SND1: variants seen among roughly 807,000 people sequenced by gnomAD.
SND1 encodes the protein staphylococcal nuclease and tudor domain containing 1.
A neutral mutation model predicts 121.7 loss-of-function variants in SND1; 38 were observed. That is an observed-to-expected ratio of 0.31 (90% CI 0.24 to 0.41). The LOEUF is 0.41. Ranked by LOEUF, SND1 falls within the 10% of genes least tolerant of loss-of-function variation. The pLI, the probability that SND1 is intolerant of heterozygous loss-of-function variation, is 1.00. For missense variants in SND1, 868 were observed against 1,184.6 expected (o/e 0.73, Z 3.92); for synonymous variants, 401 against 447.4 (o/e 0.90, Z 1.31).
intron 15 of SND1, among the ~76,000 whole-genome samples, chr7:127,953,666 A>G (rs1019861572): frequency 6.6e-6 from 1 of 152,218 alleles, no homozygotes; most frequent in African/African-American, 2.4e-5. Flanking sequence ...GTCAAGTAAA[A>G]AGTGAAAAGT....
chr7:127,699,480 C>T (rs1457595265), intron 4 of SND1, among the ~76,000 whole-genome samples: 1 of 152,180 alleles, frequency 6.6e-6, no homozygotes, highest in African/African-American at 2.4e-5. Flanking sequence ...CTGACAAGGC[C>T]TCACTTGTTC....
intron 9 of SND1, among the ~76,000 whole-genome samples, chr7:127,708,950 A>G (rs530057546): frequency 6.6e-6 from 1 of 152,352 alleles, no homozygotes; most frequent in Admixed American, 6.5e-5. Context: ...CTGTCTTTTA[A>G]GCAACCTCTG....
At chr7:128,038,788 C>A (rs1052901535) in intron 16 of SND1, among the ~76,000 whole-genome samples, 1 of 152,014 alleles carries the variant, frequency 6.6e-6, no homozygotes, top group African/African-American at 2.4e-5. Flanking sequence ...GAGTTAATAT[C>A]TTACATAACC....
chr7:128,024,701 C>T (rs558532482), intron 16 of SND1, among the ~76,000 whole-genome samples: 1 of 152,332 alleles, frequency 6.6e-6, no homozygotes, highest in South Asian at 2.1e-4. Context: ...AGAAACTAGC[C>T]TATCTACCTT....
chr7:127,942,369 T>A lies in SND1; in HGVS notation c.1669+13040T>A, dbSNP rs546282129. Among the ~76,000 whole-genome samples, 6 of 152,266 alleles carry A rather than the reference T, an allele frequency of 3.9e-5. No homozygotes were observed. In the South Asian group the frequency reaches 1.2e-3, roughly 32 times the overall value. On this transcript the variant is annotated intron_variant, in intron 15 of 23. Transcript: ENST00000354725. ...AAGTGAGATTTGCCAGGAGCAAAGG[T>A]CTCGTGGAGCAGCCGTTGCTCTTGC... is the stretch of plus-strand genomic sequence containing the variant.
At chr7:127,813,412 G>T (rs949474188) in intron 11 of SND1, among the ~76,000 whole-genome samples, 39 of 143,380 alleles carry the variant, frequency 2.7e-4, no homozygotes, top group African/African-American at 9.8e-4. Flanking sequence ...CCACCTAAAT[G>T]GTCTTTTCGA....
chr7:127,659,287 C>T (rs1795268740), intron 1 of SND1, among the ~76,000 whole-genome samples: 1 of 152,078 alleles, frequency 6.6e-6, no homozygotes. Context: ...TCATTAGACT[C>T]AATATAATAC....
At chr7:127,902,977 G>T (rs371553543) in intron 13 of SND1, among the ~76,000 whole-genome samples, 2 of 151,976 alleles carry the variant, frequency 1.3e-5, no homozygotes, top group Non-Finnish European at 2.9e-5. Context: ...CACCTCCCGG[G>T]TTCAAGGAAT....
intron 15 of SND1, among the ~76,000 whole-genome samples, chr7:127,972,911 C>G (rs1038207126): frequency 2.0e-5 from 3 of 152,204 alleles, no homozygotes; most frequent in Admixed American, 1.3e-4. Flanking sequence ...TGAGATTCAT[C>G]CATGTTACTG....
chr7:127,972,068 C>G (rs1217930384), intron 15 of SND1, among the ~76,000 whole-genome samples: 3 of 152,104 alleles, frequency 2.0e-5, no homozygotes, highest in African/African-American at 7.2e-5. Context: ...AGCCACCACG[C>G]CTGGCCAGCT....
At chr7:127,717,542 G>A (rs1051961065) in intron 9 of SND1, among the ~76,000 whole-genome samples, 5 of 152,154 alleles carry the variant, frequency 3.3e-5, no homozygotes, top group African/African-American at 9.7e-5. Flanking sequence ...GTTTGTTTTT[G>A]TTGAGGACAA....
chr7:128,063,251 C>T (rs891879081), intron 16 of SND1, among the ~76,000 whole-genome samples: 1 of 152,198 alleles, frequency 6.6e-6, no homozygotes, highest in Non-Finnish European at 1.5e-5. Flanking sequence ...ACGGCTGCTG[C>T]CTGCACTCCT....
At chr7:127,818,475 T>C (rs975104078) in intron 11 of SND1, among the ~76,000 whole-genome samples, 2 of 152,252 alleles carry the variant, frequency 1.3e-5, no homozygotes, top group African/African-American at 4.8e-5. Flanking sequence ...TTTAAAGTTC[T>C]AAGTAACTTA....
intron 12 of SND1, among the ~76,000 whole-genome samples, chr7:127,884,314 T>A (rs959954586): frequency 7.2e-5 from 11 of 152,150 alleles, no homozygotes; most frequent in Non-Finnish European, 1.5e-5. Context: ...TCTAAATCTA[T>A]CTATATCTAT....
intron 10 of SND1, among the ~76,000 whole-genome samples, 183 bp downstream of exon 10, chr7:127,721,583 C>T (rs1393062048): frequency 6.6e-6 from 1 of 152,212 alleles, no homozygotes; most frequent in African/African-American, 2.4e-5. Context: ...GTCTCAGTGT[C>T]TTGTGGCCCA....
intron 11 of SND1, among the ~76,000 whole-genome samples, chr7:127,839,660 A>G (rs1192290170): frequency 6.6e-6 from 1 of 152,226 alleles, no homozygotes; most frequent in Non-Finnish European, 1.5e-5. Flanking sequence ...TTTAGTTTGA[A>G]GTTACCATCT....
chr7:127,858,986 A>C (rs1201523558), intron 12 of SND1, among the ~76,000 whole-genome samples: 1 of 152,100 alleles, frequency 6.6e-6, no homozygotes, highest in African/African-American at 2.4e-5. Flanking sequence ...GGGATGTGAA[A>C]ATGACTCTCT....
At chr7:127,778,276 C>T (rs967617272) in intron 10 of SND1, among the ~76,000 whole-genome samples, 1 of 151,646 alleles carries the variant, frequency 6.6e-6, no homozygotes, top group Non-Finnish European at 1.5e-5. Flanking sequence ...CTCACTGCAA[C>T]CTCCACCTCC....
At chr7:128,053,679 A>C (rs1793086747) in intron 16 of SND1, among the ~76,000 whole-genome samples, 1 of 151,936 alleles carries the variant, frequency 6.6e-6, no homozygotes, top group African/African-American at 2.4e-5. Context: ...CCACAAGCAG[A>C]GGATGGGGAT....
Sources: gnomAD v4.1 joint callset for allele counts (sites outside exome capture counted in the v4.1 genomes callset) on GRCh38, gnomAD v4.1.1 for gene constraint, MANE v1.5 for transcripts, NCBI Gene and HGNC (gene_info 2026-07-23, HGNC 2026-07-21) for gene names.